Variants in UBE2Q2 observed in about 807,000 individuals in gnomAD.
The protein encoded by UBE2Q2 is ubiquitin-conjugating enzyme E2 Q2.
Under a neutral mutation model 59.9 loss-of-function variants are expected in UBE2Q2, and 54 were observed. The observed-to-expected ratio is 0.90, with a 90% CI of 0.72 to 1.13. The LOEUF (loss-of-function observed/expected upper bound fraction) is 1.13. Among genes scored for constraint, UBE2Q2 ranks in the 50% most tolerant of loss-of-function variants. The pLI is 0.00. For missense variants in UBE2Q2, 433 were observed against 441.9 expected, an observed-to-expected ratio of 0.98 and a Z score of 0.18; for synonymous variants, 165 against 155.2, an observed-to-expected ratio of 1.06 and a Z score of -0.47.
chr15:75,873,434 G>T lies in UBE2Q2; in HGVS notation c.454G>T (p.Glu152Ter). 1 of 1,605,822 alleles carries T rather than the reference G, an allele frequency of 6.2e-7. No individual in the cohort carries two copies. The highest frequency in any genetic ancestry group is 8.5e-7 in the Non-Finnish European group (1 of 1,178,144). The change falls in exon 5 of 13, where the codon GAA (glutamate) becomes TAA (stop). Residue 152 changes from glutamate (E) to a stop codon, truncating the protein, a stop_gained. Coordinates refer to ENST00000267938, the MANE Select transcript of UBE2Q2 (RefSeq NM_173469.4). LOFTEE classifies it high-confidence loss of function. The part of the protein sequence containing the change: ...EEEEEMAEDI[E>*]DLDHYEMKEE... ...ATTTTTCGTCTCTTTGTAGGATATA[G>T]AAGACTTAGATCACTATGAGATGAA...
At chr15:75,877,862 A>G in intron 6 of UBE2Q2, 99 bp from the exon 7 acceptor site, 1 of 1,075,994 alleles carries the variant, frequency 9.3e-7, no homozygotes, top group Non-Finnish European at 1.3e-6. Context: ...TAAGAGCAAA[A>G]TTTCTAGCTT....
At chr15:75,848,731 G>A (rs1292269186) in intron 1 of UBE2Q2, among the ~76,000 whole-genome samples, 2 of 151,968 alleles carry the variant, frequency 1.3e-5, no homozygotes, top group Admixed American at 1.3e-4. Context: ...ATGTCAGCTA[G>A]TTGAGGGGTG....
At chr15:75,893,051 T>C (rs1899192292) in intron 11 of UBE2Q2, among the ~76,000 whole-genome samples, 2 of 152,096 alleles carry the variant, frequency 1.3e-5, no homozygotes, top group Admixed American at 6.5e-5. Flanking sequence ...GTCTAAAATA[T>C]GTCTTAGTGG....
intron 3 of UBE2Q2, among the ~76,000 whole-genome samples, chr15:75,867,399 C>T (rs1182500069): frequency 6.6e-6 from 1 of 152,154 alleles, no homozygotes; most frequent in Non-Finnish European, 1.5e-5. Flanking sequence ...TTCTCAAGCC[C>T]AGCAGTCTGA....
Position 75,859,930 on chromosome 15 carries a change from T to G in UBE2Q2, c.335T>G (p.Leu112Arg). ...LICELCSLYN[L>R]PKHLDVEMLD... is the part of the protein sequence containing the mutation. ...TGTGAACTCTGCAGTTTATATAACC[T>G]TCCTAAGCACCTGGATGTTGAGATG... Residue 112 changes from leucine (L) to arginine (R), a missense_variant, in exon 3 of 13, where the codon CTT becomes CGT. By Grantham distance (102) the Leu-to-Arg change is moderately radical (BLOSUM62 -2). Transcript: ENST00000267938. 1 of 1,604,626 alleles carries G rather than the reference T, an allele frequency of 6.2e-7. No individual in the cohort carries two copies. Among genetic ancestry groups the G allele is most frequent in the Non-Finnish European group, 8.5e-7 (1 of 1,177,392 alleles).
rs1382748008 is a variant in UBE2Q2 at position 75,863,151 on chromosome 15, GGGTA to G, written c.387+3170_387+3173del. Among the ~76,000 whole-genome samples, 9 of 152,260 alleles carry G rather than the reference GGGTA, an allele frequency of 5.9e-5. No individual in the cohort carries two copies. The East Asian group carries it at 1.7e-3, about 29-fold the overall frequency. Reference sequence around the variant, plus strand: ...TCTTGCCTATCTGTCCCACTTTCTGGGGTACCTAGTGTCTGAGTCTAGAGCCTCT... The same window carrying G: ...TCTTGCCTATCTGTCCCACTTTCTGGCCTAGTGTCTGAGTCTAGAGCCTCT... On this transcript the variant is annotated intron_variant, in intron 3 of 12. Transcript: ENST00000267938.
At chr15:75,849,870 T>C (rs1180057600) in intron 1 of UBE2Q2, among the ~76,000 whole-genome samples, 1 of 152,216 alleles carries the variant, frequency 6.6e-6, no homozygotes, top group Non-Finnish European at 1.5e-5. Context: ...CCTGAATTTG[T>C]ATTGGGATTT....
At chr15:75,844,143 C>T in intron 1 of UBE2Q2, 1 of 1,425,672 alleles carries the variant, frequency 7.0e-7, no homozygotes, top group African/African-American at 1.4e-5. Context: ...GCGGCCCAAG[C>T]CCTTGTGGGG....
chr15:75,846,487 G>T (rs570209342), intron 1 of UBE2Q2, among the ~76,000 whole-genome samples: 1 of 152,186 alleles, frequency 6.6e-6, no homozygotes, highest in East Asian at 1.9e-4. Context: ...CAAAGTGCTG[G>T]GATTACAGGA....
chr15:75,858,638 C>T (rs1897048732), intron 2 of UBE2Q2, among the ~76,000 whole-genome samples: 1 of 150,954 alleles, frequency 6.6e-6, no homozygotes, highest in South Asian at 2.1e-4. Context: ...ACTACCCTGT[C>T]TTTCTTGTTG....
intron 1 of UBE2Q2, among the ~76,000 whole-genome samples, chr15:75,848,879 A>G (rs1392374435): frequency 6.6e-6 from 1 of 152,152 alleles, no homozygotes; most frequent in African/African-American, 2.4e-5. Context: ...TCTGAAAGAT[A>G]ATCCCAACTT....
intron 12 of UBE2Q2, among the ~76,000 whole-genome samples, 195 bp from the exon 13 acceptor site, chr15:75,899,232 G>A (rs542864420): frequency 5.3e-5 from 8 of 150,558 alleles, no homozygotes; most frequent in Admixed American, 4.0e-4. Flanking sequence ...CTGAGTTTGC[G>A]CCATTGCACT....
At chr15:75,883,977 G>C (rs1178432459) in intron 9 of UBE2Q2, among the ~76,000 whole-genome samples, 1 of 152,182 alleles carries the variant, frequency 6.6e-6, no homozygotes, top group African/African-American at 2.4e-5. Flanking sequence ...ACATGCCTGT[G>C]ATCCTAATTG....
At chr15:75,845,556 G>A (rs1286543647) in intron 1 of UBE2Q2, among the ~76,000 whole-genome samples, 1 of 152,148 alleles carries the variant, frequency 6.6e-6, no homozygotes, top group Non-Finnish European at 1.5e-5. Flanking sequence ...TGTAGGCTGT[G>A]GGGAGCTACT....
chr15:75,866,687 ACT>A (rs201583694), intron 3 of UBE2Q2, among the ~76,000 whole-genome samples: 1,950 of 151,698 alleles, frequency 0.013, 36 homozygotes, highest in African/African-American at 0.044. Context: ...AGGAAATGTC[ACT>A]GTTTGTTTTT....
chr15:75,854,280 AT>A lies in UBE2Q2; in HGVS notation c.181-102del. 3.9e-6 allele frequency: 3 copies of A among 762,328 alleles called. No individual in the cohort carries two copies. In the South Asian group the frequency reaches 6.3e-5, roughly 16 times the overall value. 47.2% of individuals were successfully genotyped at this position (762,328 alleles called of 1,614,324 possible). ...AATATGTTGCCTTTTCCCCCCATAC[AT>A]TTTGTTTAAATCCATGGTCATCTTG... is the stretch of plus-strand genomic sequence containing the variant. On this transcript the variant is annotated intron_variant, in intron 1 of 12. Transcript: ENST00000267938.
chr15:75,844,120 G>C, intron 1 of UBE2Q2: 4 of 1,415,682 alleles, frequency 2.8e-6, no homozygotes, highest in Non-Finnish European at 1.8e-6. Flanking sequence ...TAGCCCCGAG[G>C]GGGGAGTCCG....
At position 75,880,010 on chromosome 15, in the gene UBE2Q2, T is replaced by G. The variant is rs553240335; in HGVS notation, c.825+822T>G. Among the ~76,000 whole-genome samples the G allele has an allele frequency of 2.6e-5, 4 of 152,286 alleles. No homozygotes were observed. The East Asian group carries it at 7.7e-4, about 29-fold the overall frequency. ...GGAATATATTTCTGGGCCAGGTTGA[T>G]GGTTACATGAGCACATAATTTACAA... On this transcript the variant is annotated intron_variant, in intron 8 of 12. Transcript: ENST00000267938.
chr15:75,886,114 A>C (rs1008510021), intron 9 of UBE2Q2, among the ~76,000 whole-genome samples: 1 of 133,690 alleles, frequency 7.5e-6, no homozygotes. Flanking sequence ...TGACATAACT[A>C]TTGTGTTTTA....
Sources: gnomAD v4.1 joint callset for allele counts (sites outside exome capture counted in the v4.1 genomes callset) on GRCh38, gnomAD v4.1.1 for gene constraint, MANE v1.5 for transcripts, NCBI Gene and HGNC (gene_info 2026-07-23, HGNC 2026-07-21) for gene names.